TENM3: variants seen among roughly 807,000 people sequenced by gnomAD.
The protein encoded by TENM3 is teneurin transmembrane protein 3.
TENM3 carries 63 observed loss-of-function variants against 255.1 expected under a neutral mutation model. The ratio of observed to expected loss-of-function variants is 0.25; its 90% confidence interval spans 0.20 to 0.30. The LOEUF is 0.30. TENM3 is among the 10% of genes least tolerant of loss of function. The probability of loss-of-function intolerance (pLI) is 1.00; values close to 1 mark genes in which losing one functional copy is unlikely to be tolerated. For synonymous variants in TENM3, 1,306 were observed against 1,322.3 expected (o/e 0.99, Z 0.27); for missense variants, 2,929 against 3,461.1 (o/e 0.85, Z 3.86).
intron 13 of TENM3, among the ~76,000 whole-genome samples, chr4:182,720,708 G>A (rs1759647636): frequency 1.3e-5 from 2 of 151,758 alleles, no homozygotes; most frequent in South Asian, 4.2e-4. Flanking sequence ...GCATCTTAAT[G>A]GGTTTTAGAA....
chr4:182,602,394 C>T (rs1040089), intron 4 of TENM3, among the ~76,000 whole-genome samples: 6 of 152,056 alleles, frequency 3.9e-5, no homozygotes, highest in African/African-American at 1.5e-4. Flanking sequence ...TCTGGGTGAA[C>T]AAAGTGTCTC....
In TENM3 at chr4:182,505,299, G is replaced by A. The variant is rs535917127; in HGVS notation, c.512-95625G>A. ...TTTCATTCTGCAAAGATGAAAATCT[G>A]TATCACACCTAAAATTGTGCAATAC... On this transcript the variant is annotated intron_variant, in intron 3 of 27. Transcript: ENST00000511685. Among the ~76,000 whole-genome samples, 109 of 150,176 alleles carry A rather than the reference G, an allele frequency of 7.3e-4. 1 individual carries two copies. Among genetic ancestry groups the A allele is most frequent in the African/African-American group, 2.5e-3 (104 of 41,400 alleles).
upstream of TENM3, chr4:182,141,556 C>G (rs540827099): frequency 6.6e-6 from 1 of 152,284 alleles, no homozygotes; most frequent in East Asian, 1.9e-4. Context: ...CGCAGGCAGA[C>G]GTAGAGGAGG....
At chr4:181,852,270 G>A in the TENM3 span, among the ~76,000 whole-genome samples, 1 of 152,200 alleles carries the variant, frequency 6.6e-6, no homozygotes, top group African/African-American at 2.4e-5. Flanking sequence ...GTGACAGAAG[G>A]AAGAGAGAAC....
intron 1 of TENM3, among the ~76,000 whole-genome samples, chr4:182,282,274 T>C (rs1760435626): frequency 6.6e-6 from 1 of 152,204 alleles, no homozygotes; most frequent in South Asian, 2.1e-4. Context: ...GATGGGCATC[T>C]TCAAGGTAAT....
At chr4:181,611,095 G>A in the TENM3 span, among the ~76,000 whole-genome samples, 1 of 152,146 alleles carries the variant, frequency 6.6e-6, no homozygotes, top group Non-Finnish European at 1.5e-5. Context: ...TAAGGAACAT[G>A]TTGTGCCATG....
the TENM3 span, among the ~76,000 whole-genome samples, chr4:181,600,360 A>T: frequency 1.3e-5 from 2 of 152,196 alleles, no homozygotes; most frequent in Admixed American, 1.3e-4. Context: ...GTTATCTCAT[A>T]CTAAGTGTTG....
chr4:181,779,487 A>C, the TENM3 span, among the ~76,000 whole-genome samples: 1 of 151,844 alleles, frequency 6.6e-6, no homozygotes, highest in South Asian at 2.1e-4. Flanking sequence ...AAAAAGTTCT[A>C]TCCTTTCTTT....
At chr4:181,448,449 G>T in the TENM3 span, among the ~76,000 whole-genome samples, 4 of 152,050 alleles carry the variant, frequency 2.6e-5, no homozygotes, top group Non-Finnish European at 5.9e-5. Flanking sequence ...GGGATTACAG[G>T]CGTGAGCCAC....
chr4:181,633,966 C>G, the TENM3 span, among the ~76,000 whole-genome samples: 1 of 152,162 alleles, frequency 6.6e-6, no homozygotes, highest in Non-Finnish European at 1.5e-5. Context: ...AAGAAGATCT[C>G]CTCTTTCACC....
intron 6 of TENM3, among the ~76,000 whole-genome samples, chr4:182,665,511 A>G (rs984530559): frequency 5.3e-5 from 8 of 152,146 alleles, no homozygotes; most frequent in African/African-American, 1.9e-4. Flanking sequence ...TTTAATTTCA[A>G]CTTTCAAGTC....
the TENM3 span, among the ~76,000 whole-genome samples, chr4:182,023,235 T>C: frequency 3.3e-5 from 5 of 152,204 alleles, no homozygotes; most frequent in Admixed American, 2.0e-4. Flanking sequence ...CCAATACCAA[T>C]GATCCACTCC....
the TENM3 span, among the ~76,000 whole-genome samples, chr4:182,100,816 T>C: frequency 1.0e-4 from 1 of 9,752 alleles, no homozygotes; most frequent in Non-Finnish European, 2.1e-4. Context: ...TACACATATA[T>C]ATACACATAT....
At chr4:182,215,726 T>G (rs1224355037) in intron 1 of TENM3, among the ~76,000 whole-genome samples, 1 of 152,164 alleles carries the variant, frequency 6.6e-6, no homozygotes, top group Non-Finnish European at 1.5e-5. Context: ...CACACGGGTC[T>G]TTTTACTCAC....
At chr4:182,785,983 C>T (rs930510256) in intron 24 of TENM3, among the ~76,000 whole-genome samples, 1 of 152,150 alleles carries the variant, frequency 6.6e-6, no homozygotes, top group Non-Finnish European at 1.5e-5. Context: ...AGAGCGGTGT[C>T]TGGAAACAGT....
intron 1 of TENM3, among the ~76,000 whole-genome samples, chr4:182,187,206 A>T (rs1753218147): frequency 6.6e-6 from 1 of 152,206 alleles, no homozygotes; most frequent in South Asian, 2.1e-4. Context: ...AATATGAGAA[A>T]ATACAAGAAC....
chr4:182,043,916 G>A, the TENM3 span, among the ~76,000 whole-genome samples: 1 of 152,096 alleles, frequency 6.6e-6, no homozygotes, highest in African/African-American at 2.4e-5. Flanking sequence ...CCCTTGTCTT[G>A]TAAGTTCTCT....
chr4:182,119,123 G>A, the TENM3 span, among the ~76,000 whole-genome samples: 1 of 152,120 alleles, frequency 6.6e-6, no homozygotes, highest in Non-Finnish European at 1.5e-5. Flanking sequence ...ATGGCTGGAA[G>A]GGGCTAGAGA....
chr4:182,260,618 G>T (rs1325978498), intron 1 of TENM3, among the ~76,000 whole-genome samples: 1 of 151,948 alleles, frequency 6.6e-6, no homozygotes, highest in Non-Finnish European at 1.5e-5. Context: ...ATTCTGAAAT[G>T]GTTCTATTAA....
Sources: allele counts gnomAD v4.1 joint callset (sites outside exome capture counted in the v4.1 genomes callset), GRCh38; gene constraint gnomAD v4.1.1; transcripts MANE v1.5; gene names NCBI Gene and HGNC (gene_info 2026-07-23, HGNC 2026-07-21).